Variants in SETD3 observed in about 807,000 individuals in gnomAD.
SETD3 encodes SET domain containing 3, actin N3(tau)-histidine methyltransferase, also known as actin-histidine N-methyltransferase.
SETD3 carries 19 observed loss-of-function variants against 63.0 expected under a neutral mutation model. The observed-to-expected ratio is 0.30, with a 90% confidence interval of 0.21 to 0.44. The LOEUF (loss-of-function observed/expected upper bound fraction) is 0.44, where lower values mean the gene tolerates loss of function less well. SETD3 is among the 20% of genes least tolerant of loss of function. The pLI, the probability that SETD3 is intolerant of heterozygous loss-of-function variation, is 1.00. For synonymous variants in SETD3, 286 were observed against 264.1 expected (o/e 1.08, Z -0.80); for missense variants, 587 against 728.5 (o/e 0.81, Z 2.24).
intron 6 of SETD3, among the ~76,000 whole-genome samples, chr14:99,446,026 C>T (rs1291096774): frequency 6.6e-6 from 1 of 152,216 alleles, no homozygotes; most frequent in Non-Finnish European, 1.5e-5. Flanking sequence ...CGGGACAGGC[C>T]TGTGGAGACA....
At chr14:99,482,079 G>A (rs1333548395), upstream of SETD3, among the ~76,000 whole-genome samples, 1 of 152,202 alleles carries the variant, frequency 6.6e-6, no homozygotes, top group African/African-American at 2.4e-5. Context: ...GAAAATTGGA[G>A]CGTAAGTCTA....
chr14:99,468,556 AG>A (rs1895523748), intron 1 of SETD3, among the ~76,000 whole-genome samples: 1 of 152,204 alleles, frequency 6.6e-6, no homozygotes, highest in Non-Finnish European at 1.5e-5. Context: ...AAAGGAAACC[AG>A]CAAAAATATG....
intron 6 of SETD3, among the ~76,000 whole-genome samples, chr14:99,455,622 CA>C (rs1247016977): frequency 6.6e-6 from 1 of 152,196 alleles, no homozygotes; most frequent in Admixed American, 6.5e-5. Context: ...AAGTCACTCA[CA>C]ACCAGTGTTG....
intron 6 of SETD3, among the ~76,000 whole-genome samples, chr14:99,451,258 T>A (rs150187599): frequency 3.6e-4 from 55 of 152,328 alleles, no homozygotes; most frequent in African/African-American, 1.3e-3. Flanking sequence ...AGTATTTTTC[T>A]AGGGTTAAAG....
At chr14:99,463,432 A>T in intron 3 of SETD3, 54 bp downstream of exon 3, 1 of 1,406,266 alleles carries the variant, frequency 7.1e-7, no homozygotes, top group Non-Finnish European at 9.9e-7. Flanking sequence ...CTTTGACCTA[A>T]TCAAGTTTCT....
intron 6 of SETD3, among the ~76,000 whole-genome samples, chr14:99,431,055 AAAAGG>A (rs578221335): frequency 4.7e-4 from 71 of 152,364 alleles, no homozygotes; most frequent in African/African-American, 1.7e-3. Context: ...TTTTACAGAT[AAAAGG>A]CCCAGAAAAG....
intron 6 of SETD3, among the ~76,000 whole-genome samples, 176 bp downstream of exon 6, chr14:99,458,103 G>A (rs938161334): frequency 3.9e-5 from 6 of 152,062 alleles, no homozygotes; most frequent in East Asian, 1.9e-4. Flanking sequence ...ATATGTAACC[G>A]CATTTCATTG....
intron 2 of SETD3, among the ~76,000 whole-genome samples, chr14:99,464,938 T>A (rs531721167): frequency 6.6e-6 from 1 of 151,778 alleles, no homozygotes; most frequent in African/African-American, 2.4e-5. Flanking sequence ...AGCCCAAGAG[T>A]TCAAGACCAG....
At position 99,446,095 on chromosome 14, in the gene SETD3, T is replaced by C. The variant is rs561463602; in HGVS notation, c.675+12184A>G. On this transcript the variant is annotated intron_variant, in intron 6 of 12. Transcript: ENST00000331768. ...GACAGGTCTCAGCTTCCGCCTTGAC[T>C]GGGCTTACTCAGTGGCTCTGGCGAG... Among the ~76,000 whole-genome samples the C allele has an allele frequency of 6.6e-5, 10 of 152,300 alleles. No individual in the cohort carries two copies. The East Asian group carries it at 1.9e-3, about 29-fold the overall frequency.
intron 6 of SETD3, among the ~76,000 whole-genome samples, chr14:99,423,011 T>C (rs1892669809): frequency 6.6e-6 from 1 of 152,206 alleles, no homozygotes; most frequent in Admixed American, 6.5e-5. Flanking sequence ...TTTCCAGTTA[T>C]TCATATTCCC....
intron 11 of SETD3, among the ~76,000 whole-genome samples, chr14:99,400,994 C>A (rs778403928): frequency 6.6e-6 from 1 of 152,062 alleles, no homozygotes; most frequent in Non-Finnish European, 1.5e-5. Context: ...ACAAAATTAG[C>A]CAGGTATGGT....
chr14:99,421,169 C>T (rs1258088269), intron 6 of SETD3, among the ~76,000 whole-genome samples: 1 of 148,942 alleles, frequency 6.7e-6, no homozygotes, highest in Non-Finnish European at 1.5e-5. Context: ...TCGATCAATG[C>T]TTATTCAAAA....
chr14:99,428,363 G>C (rs1010227421), intron 6 of SETD3, among the ~76,000 whole-genome samples: 1 of 152,174 alleles, frequency 6.6e-6, no homozygotes, highest in Non-Finnish European at 1.5e-5. Flanking sequence ...GTGGTGGAGG[G>C]GTTGGGTGCA....
chr14:99,431,216 T>C (rs890596511), intron 6 of SETD3, among the ~76,000 whole-genome samples: 3 of 152,218 alleles, frequency 2.0e-5, no homozygotes, highest in African/African-American at 7.2e-5. Flanking sequence ...CCTTACATTT[T>C]TGTGAAGATT....
chr14:99,461,703 T>C (rs1046658004), intron 3 of SETD3, among the ~76,000 whole-genome samples: 2 of 152,234 alleles, frequency 1.3e-5, no homozygotes, highest in African/African-American at 4.8e-5. Flanking sequence ...CCACCTCTCA[T>C]GTTCACATTT....
intron 1 of SETD3, among the ~76,000 whole-genome samples, chr14:99,474,148 C>A (rs189045810): frequency 6.6e-6 from 1 of 151,932 alleles, no homozygotes; most frequent in African/African-American, 2.4e-5. Flanking sequence ...TGATGAGACC[C>A]CCGCCAGCTC....
chr14:99,435,827 CAAAG>C (rs1018510961), intron 6 of SETD3, among the ~76,000 whole-genome samples: 3 of 148,874 alleles, frequency 2.0e-5, no homozygotes, highest in Non-Finnish European at 4.4e-5. Flanking sequence ...GAATAACTGA[CAAAG>C]AAAGAAGATG....
intron 1 of SETD3, among the ~76,000 whole-genome samples, chr14:99,472,455 A>C (rs1264972489): frequency 2.0e-5 from 3 of 152,216 alleles, no homozygotes; most frequent in Non-Finnish European, 4.4e-5. Context: ...TCTGTTATAT[A>C]CCGTGAATAA....
intron 1 of SETD3, among the ~76,000 whole-genome samples, chr14:99,480,069 G>T (rs1272402387): frequency 6.6e-6 from 1 of 152,254 alleles, no homozygotes; most frequent in Non-Finnish European, 1.5e-5. Context: ...GGCACTGCGC[G>T]TGTGGAGCAC....
Sources: gnomAD v4.1 joint callset for allele counts (sites outside exome capture counted in the v4.1 genomes callset) on GRCh38, gnomAD v4.1.1 for gene constraint, MANE v1.5 for transcripts, NCBI Gene and HGNC (gene_info 2026-07-23, HGNC 2026-07-21) for gene names.